The following PACSIN1 variants were observed in gnomAD, a reference collection of about 807,000 sequenced individuals.
PACSIN1 encodes the protein protein kinase C and casein kinase substrate in neurons 1.
Under a neutral mutation model 59.5 loss-of-function variants are expected in PACSIN1, and 15 were observed. That is an observed-to-expected ratio of 0.25 (90% CI 0.17 to 0.39). The LOEUF (loss-of-function observed/expected upper bound fraction) is 0.39. Among genes scored for constraint, PACSIN1 ranks in the 10% least tolerant of loss-of-function variants. The pLI, the probability that PACSIN1 is intolerant of heterozygous loss-of-function variation, is 1.00. For missense variants in PACSIN1, 420 were observed against 580.2 expected, an observed-to-expected ratio of 0.72 and a Z score of 2.84; for synonymous variants, 210 against 220.6, an observed-to-expected ratio of 0.95 and a Z score of 0.42.
intron 1 of PACSIN1, among the ~76,000 whole-genome samples, chr6:34,466,550 G>C (rs748602320): frequency 3.9e-5 from 6 of 152,182 alleles, no homozygotes; most frequent in Non-Finnish European, 8.8e-5. Context: ...AAAAGCGCCG[G>C]AAATAGGTTC....
chr6:34,488,095 C>G lies in PACSIN1; in HGVS notation c.-64+21825C>G, dbSNP rs1019173246. On this transcript the variant is annotated intron_variant, in intron 1 of 9. Coordinates refer to ENST00000244458, the MANE Select transcript of PACSIN1 (RefSeq NM_020804.5). This position sits in a 1 kb window ranked among gnomAD's most constrained non-coding sequence, Gnocchi z 4.7. ...CACTCTCCCTCTTCAATGACCCTGACCTTGGCCAGCACCTCTGTTGGTCTG... is the reference window on the plus strand; with the variant it reads ...CACTCTCCCTCTTCAATGACCCTGAGCTTGGCCAGCACCTCTGTTGGTCTG... Among the ~76,000 whole-genome samples the G allele has an allele frequency of 2.0e-5, 3 of 152,150 alleles. No individual in the cohort carries two copies. Among genetic ancestry groups the G allele is most frequent in the African/African-American group, 7.2e-5 (3 of 41,424 alleles).
intron 1 of PACSIN1, among the ~76,000 whole-genome samples, chr6:34,480,232 T>G (rs1766697061): frequency 6.7e-6 from 1 of 150,120 alleles, no homozygotes; most frequent in Non-Finnish European, 1.5e-5. Flanking sequence ...TCTTTCTTTT[T>G]TTTTTTTTTT....
At chr6:34,478,814 A>G (rs186332744) in intron 1 of PACSIN1, among the ~76,000 whole-genome samples, 7 of 152,320 alleles carry the variant, frequency 4.6e-5, no homozygotes, top group Admixed American at 3.3e-4. Context: ...GTATAACAGA[A>G]TACCTGAGCC....
intron 1 of PACSIN1, among the ~76,000 whole-genome samples, chr6:34,523,179 C>T (rs957914585): frequency 1.3e-5 from 2 of 152,260 alleles, no homozygotes; most frequent in African/African-American, 4.8e-5. Flanking sequence ...GTAGTTCCCA[C>T]ATCACCTGGC....
chr6:34,524,514 A>C (rs1257438151), intron 1 of PACSIN1, among the ~76,000 whole-genome samples: 2 of 152,160 alleles, frequency 1.3e-5, no homozygotes, highest in Non-Finnish European at 2.9e-5. Context: ...TATTTTCCCC[A>C]GCCACATGGG....
In PACSIN1 at chr6:34,530,008, C is replaced by T. The variant is rs560171699; in HGVS notation, c.788+167C>T. On this transcript the variant is annotated intron_variant, in intron 6 of 9. Coordinates refer to ENST00000244458, the MANE Select transcript of PACSIN1 (RefSeq NM_020804.5). This position sits in a 1 kb window ranked among gnomAD's most constrained non-coding sequence, Gnocchi z 4.4. ...ACAGGGGCTGTTGAGTGCAAGCTGA[C>T]GCACACTGGGTACTCTAGAAACACA... 4.6e-5 allele frequency among the ~76,000 whole-genome samples: 7 copies of T among 152,236 alleles called. No individual in the cohort carries two copies. Among genetic ancestry groups the T allele is most frequent in the East Asian group, 3.9e-4 (2 of 5,172 alleles).
chr6:34,470,869 A>T (rs895481400), intron 1 of PACSIN1, among the ~76,000 whole-genome samples: 4 of 152,238 alleles, frequency 2.6e-5, no homozygotes, highest in African/African-American at 4.8e-5. Flanking sequence ...TGCATAGGAC[A>T]TATTTTTAAT....
intron 3 of PACSIN1, 133 bp downstream of exon 3, chr6:34,527,621 T>G: frequency 1.4e-6 from 1 of 734,266 alleles, no homozygotes; most frequent in Non-Finnish European, 2.0e-6. Flanking sequence ...TCAGGCGCTG[T>G]TCCCTCCTAG....
In PACSIN1 at chr6:34,528,642, G is replaced by T. The variant is rs1767531079; in HGVS notation, c.221G>T (p.Gly74Val). ...TTGTGACCTATTGCCATTCCCTCAG[G>T]CCCACAGTATGGCAGCCTGGAGCGG... Reference protein sequence around the residue: ...AKRWRQLIEKGPQYGSLERAW... With the variant: ...AKRWRQLIEKVPQYGSLERAW... The change falls in exon 4 of 10, where the codon GGC becomes GTC. Residue 74 changes from glycine to valine, a missense_variant and splice_region_variant. Physicochemically the swap from Gly to Val is moderately radical, Grantham distance 109. Transcript: ENST00000244458. The T allele has an allele frequency of 6.2e-7, 1 of 1,612,800 alleles. No individual in the cohort carries two copies. Among genetic ancestry groups the T allele is most frequent in the Admixed American group, 1.7e-5 (1 of 60,008 alleles).
chr6:34,516,725 C>G lies in PACSIN1; in HGVS notation c.-63-9518C>G, dbSNP rs1411352522. ...GCCCCTCCCTGTCAGGTTGCTGCTT[C>G]ACAGGTTGGCTCGGGGCTGCCAGGA... On this transcript the variant is annotated intron_variant, in intron 1 of 9. Transcript: ENST00000244458. The surrounding 1 kb of genome is among the most constrained non-coding windows in gnomAD (Gnocchi z 5.4). 6.6e-6 allele frequency among the ~76,000 whole-genome samples: 1 copy of G among 152,228 alleles called. No individual in the cohort carries two copies. The highest frequency in any genetic ancestry group is 2.4e-5 in the African/African-American group (1 of 41,464).
intron 1 of PACSIN1, among the ~76,000 whole-genome samples, chr6:34,522,284 T>C (rs979653283): frequency 2.0e-5 from 3 of 152,224 alleles, no homozygotes; most frequent in African/African-American, 7.2e-5. Flanking sequence ...TTTTAGTCAC[T>C]CCGTGCCTCA....
At chr6:34,508,352 G>A (rs935527406) in intron 1 of PACSIN1, among the ~76,000 whole-genome samples, 5 of 152,140 alleles carry the variant, frequency 3.3e-5, no homozygotes, top group African/African-American at 4.8e-5. Flanking sequence ...TGACCCACCC[G>A]CCTCAGCCTT....
chr6:34,512,275 C>G (rs1767215102), intron 1 of PACSIN1, among the ~76,000 whole-genome samples: 2 of 141,870 alleles, frequency 1.4e-5, no homozygotes, highest in Admixed American at 1.5e-4. Flanking sequence ...TCCACAGGGC[C>G]TGTCTGGAAT....
Position 34,506,749 on chromosome 6 carries a change from G to A in PACSIN1, c.-63-19494G>A, listed in dbSNP as rs955839946. On this transcript the variant is annotated intron_variant, in intron 1 of 9. Coordinates refer to ENST00000244458, the MANE Select transcript of PACSIN1 (RefSeq NM_020804.5). ...TCTGGCACCAGTGATCCCTCCCTGC[G>A]TGGGAAGGGAGGGTGCCTTGTTACT... Among the ~76,000 whole-genome samples, 7 of 152,272 alleles carry A rather than the reference G, an allele frequency of 4.6e-5. No homozygotes were observed. The South Asian group carries it at 1.5e-3, about 32-fold the overall frequency.
Position 34,494,541 on chromosome 6 carries a change from C to G in PACSIN1, c.-64+28271C>G, listed in dbSNP as rs142249260. On this transcript the variant is annotated intron_variant, in intron 1 of 9. Transcript: ENST00000244458. Reference sequence around the variant, plus strand: ...CACTGCAGCCTCAACATCTTGGGCTCCAGCAATCCTCCTACCTCAGCCTCC... The same window carrying G: ...CACTGCAGCCTCAACATCTTGGGCTGCAGCAATCCTCCTACCTCAGCCTCC... Among the ~76,000 whole-genome samples the G allele has an allele frequency of 4.6e-5, 7 of 152,236 alleles. No individual in the cohort carries two copies. The South Asian group carries it at 1.5e-3, about 32-fold the overall frequency.
At chr6:34,510,392 G>A (rs546820313) in intron 1 of PACSIN1, among the ~76,000 whole-genome samples, 49 of 152,276 alleles carry the variant, frequency 3.2e-4, no homozygotes, top group South Asian at 1.0e-3. Context: ...AGGGCCTCTG[G>A]GAGCCAGCCC....
In PACSIN1 at chr6:34,525,780, G is replaced by A. The variant is rs187643303; in HGVS notation, c.-63-463G>A. 3.3e-5 allele frequency among the ~76,000 whole-genome samples: 5 copies of A among 152,290 alleles called. No homozygotes were observed. The East Asian group carries it at 5.8e-4, about 18-fold the overall frequency. ...CACCCCAGACGCTCCCATAGATCTCGGTGGTGTGACCTGTGGGCCAGGACA... is the reference window on the plus strand; with the variant it reads ...CACCCCAGACGCTCCCATAGATCTCAGTGGTGTGACCTGTGGGCCAGGACA... On this transcript the variant is annotated intron_variant, in intron 1 of 9. Coordinates refer to ENST00000244458, the MANE Select transcript of PACSIN1 (RefSeq NM_020804.5). This position sits in a 1 kb window ranked among gnomAD's most constrained non-coding sequence, Gnocchi z 4.9.
chr6:34,479,315 C>T (rs565868070), intron 1 of PACSIN1, among the ~76,000 whole-genome samples: 1 of 152,280 alleles, frequency 6.6e-6, no homozygotes, highest in East Asian at 1.9e-4. Flanking sequence ...ATCACAAGCC[C>T]CTCCCTCCCC....
Position 34,534,881 on chromosome 6 carries a change from T to G in PACSIN1, c.*2351T>G, listed in dbSNP as rs1767666227. The G allele has an allele frequency of 6.5e-6, 1 of 152,828 alleles. No homozygotes were observed. Among genetic ancestry groups the G allele is most frequent in the Non-Finnish European group, 1.5e-5 (1 of 68,150 alleles). The allele number at this position is 152,828 out of a possible 1,614,324, so 9.5% of individuals were successfully genotyped here. Reference sequence around the variant, plus strand: ...ACACCGAGTGTGGGGGCCACGCCCCTTGCCATGCCCACGGCCTCCTCCTGT... The same window carrying G: ...ACACCGAGTGTGGGGGCCACGCCCCGTGCCATGCCCACGGCCTCCTCCTGT... On this transcript the variant is annotated 3_prime_UTR_variant, in exon 10 of 10. Coordinates refer to ENST00000244458, the MANE Select transcript of PACSIN1 (RefSeq NM_020804.5).
Sources: allele counts gnomAD v4.1 joint callset (sites outside exome capture counted in the v4.1 genomes callset), GRCh38; gene constraint gnomAD v4.1.1; non-coding constraint Gnocchi (gnomAD v3.1); transcripts MANE v1.5; gene names NCBI Gene and HGNC (gene_info 2026-07-23, HGNC 2026-07-21).